The following FILIP1 variants were observed in gnomAD, a reference collection of about 807,000 sequenced individuals.
FILIP1 encodes filamin A interacting protein 1, also known as filamin-A-interacting protein 1.
A neutral mutation model predicts 102.1 loss-of-function variants in FILIP1; 61 were observed. The observed-to-expected ratio is 0.60, with a 90% CI of 0.49 to 0.74. FILIP1 has a LOEUF of 0.74. Ranked by LOEUF, FILIP1 falls within the 30% of genes least tolerant of loss-of-function variation. The pLI is 0.00. For missense variants in FILIP1, 1,314 were observed against 1,441.2 expected (o/e 0.91, Z 1.43); for synonymous variants, 491 against 526.9 (o/e 0.93, Z 0.93).
chr6:75,374,579 A>G (rs2149632086), intron 2 of FILIP1, among the ~76,000 whole-genome samples: 1 of 152,222 alleles, frequency 6.6e-6, no homozygotes, highest in African/African-American at 2.4e-5. Context: ...GGGTTTCACC[A>G]TTGATGGCCA....
intron 2 of FILIP1, among the ~76,000 whole-genome samples, chr6:75,363,473 CT>C (rs1467333451): frequency 2.6e-5 from 4 of 152,152 alleles, no homozygotes; most frequent in African/African-American, 9.7e-5. Context: ...CTTGGCTGTC[CT>C]TTTCAAATCT....
chr6:75,332,021 C>A (rs1774101526), intron 4 of FILIP1, among the ~76,000 whole-genome samples: 1 of 152,136 alleles, frequency 6.6e-6, no homozygotes, highest in South Asian at 2.1e-4. Flanking sequence ...GAAGAGGACC[C>A]ACACCAGAAC....
chr6:75,389,980 A>G (rs1395679817), intron 2 of FILIP1, among the ~76,000 whole-genome samples: 3 of 152,116 alleles, frequency 2.0e-5, no homozygotes, highest in Non-Finnish European at 1.5e-5. Context: ...GCTGCACTTC[A>G]GAATCATCCA....
At position 75,442,738 on chromosome 6, in the gene FILIP1, A is replaced by G. The variant is rs1582515580; in HGVS notation, c.-6-27760T>C. Among the ~76,000 whole-genome samples the G allele has an allele frequency of 1.4e-5, 2 of 147,580 alleles. 1 individual carries two copies. The highest frequency in any genetic ancestry group is 4.6e-4 in the South Asian group (2 of 4,382). ...AGCCTTGGCTCGGCATCAGAGGGAGACCGTGGGGAGAGGGAGAGGGAGAGG... is the reference window on the plus strand; with the variant it reads ...AGCCTTGGCTCGGCATCAGAGGGAGGCCGTGGGGAGAGGGAGAGGGAGAGG... On this transcript the variant is annotated intron_variant, in intron 1 of 5. Coordinates refer to ENST00000237172, the MANE Select transcript of FILIP1 (RefSeq NM_015687.5).
chr6:75,435,666 T>G (rs1305743217), intron 1 of FILIP1, among the ~76,000 whole-genome samples: 1 of 152,244 alleles, frequency 6.6e-6, no homozygotes, highest in Non-Finnish European at 1.5e-5. Context: ...TGAATAACTC[T>G]GCTCTTAAAT....
chr6:75,324,972 C>G (rs867518718), intron 4 of FILIP1, among the ~76,000 whole-genome samples: 9 of 152,202 alleles, frequency 5.9e-5, no homozygotes, highest in Middle Eastern at 6.8e-3. Flanking sequence ...AGACCTGAAA[C>G]CATAAAATCT....
chr6:75,313,611 G>C lies in FILIP1; in HGVS notation c.2221C>G (p.Leu741Val), dbSNP rs1342108493. 1 of 1,607,608 alleles carries C rather than the reference G, an allele frequency of 6.2e-7. No homozygotes were observed. Among genetic ancestry groups the C allele is most frequent in the Admixed American group, 1.7e-5 (1 of 58,312 alleles). The part of the protein sequence containing the change: ...IHELMNKEDQ[L>V]SQLQVDYSVL... ...GAATAATCTACCTGGAGCTGAGAAA[G>C]CTGATCTTCTTTGTTCATTAATTCG... Residue 741 changes from leucine to valine, a missense_variant, in exon 5 of 6, where the codon CTT (leucine) becomes GTT (valine). Coordinates refer to ENST00000237172, the MANE Select transcript of FILIP1 (RefSeq NM_015687.5). This position sits in a 1 kb window ranked among gnomAD's most constrained non-coding sequence, Gnocchi z 4.2.
At chr6:75,325,394 C>T (rs1056485088) in intron 4 of FILIP1, among the ~76,000 whole-genome samples, 1 of 152,168 alleles carries the variant, frequency 6.6e-6, no homozygotes, top group African/African-American at 2.4e-5. Flanking sequence ...TGCACTCCAG[C>T]CTGGGTGACA....
At chr6:75,442,647 G>A (rs1463153692) in intron 1 of FILIP1, among the ~76,000 whole-genome samples, 2 of 152,200 alleles carry the variant, frequency 1.3e-5, no homozygotes, top group African/African-American at 4.8e-5. Flanking sequence ...GCAGGCACTC[G>A]GCAGGCTGAG....
At position 75,327,535 on chromosome 6, in the gene FILIP1, A is replaced by AAT. The variant is rs1287997806; in HGVS notation, c.630-12335_630-12334dup. Among the ~76,000 whole-genome samples, 119 of 147,222 alleles carry AAT rather than the reference A, an allele frequency of 8.1e-4. 1 individual carries two copies. The East Asian group carries it at 0.021, about 26-fold the overall frequency. ...GTATTTTAAGATTTTTTTGTGTGTG[A>AAT]ATATATATATATGAATATATATATA... On this transcript the variant is annotated intron_variant, in intron 4 of 5. Transcript: ENST00000237172.
At position 75,312,757 on chromosome 6, in the gene FILIP1, G is replaced by A. The variant is rs567751339; in HGVS notation, c.3075C>T (p.Pro1025=). The change falls in exon 5 of 6, where the codon CCC becomes CCT. Residue 1025 remains proline, a synonymous_variant. Coordinates refer to ENST00000237172, the MANE Select transcript of FILIP1 (RefSeq NM_015687.5). The part of the protein sequence containing the change: ...SAAPAEIAVS[P]ESQEMPMGRT... Reference sequence around the variant, plus strand: ...GTCCCATGGGCATTTCCTGGGATTCGGGAGAAACTGCAATCTCAGCTGGTG... The same window carrying A: ...GTCCCATGGGCATTTCCTGGGATTCAGGAGAAACTGCAATCTCAGCTGGTG... 23 of 1,614,050 alleles carry A rather than the reference G, an allele frequency of 1.4e-5. No individual in the cohort carries two copies. The highest frequency in any genetic ancestry group is 1.6e-4 in the Middle Eastern group (1 of 6,084).
chr6:75,296,207 T>C (rs1348339901), intron 6 of FILIP1, among the ~76,000 whole-genome samples: 9 of 152,046 alleles, frequency 5.9e-5, no homozygotes, highest in Non-Finnish European at 8.8e-5. Flanking sequence ...TTGACCAAGG[T>C]AAGAACTGAA....
intron 1 of FILIP1, among the ~76,000 whole-genome samples, chr6:75,456,998 T>G (rs1045392423): frequency 2.0e-5 from 3 of 152,234 alleles, no homozygotes; most frequent in African/African-American, 7.2e-5. Context: ...AATTCATACC[T>G]ATGGAAAGCA....
At chr6:75,371,781 T>G (rs984720635) in intron 2 of FILIP1, among the ~76,000 whole-genome samples, 4 of 152,198 alleles carry the variant, frequency 2.6e-5, no homozygotes, top group African/African-American at 9.6e-5. Context: ...AAGAATTAAG[T>G]TGGAACTTTT....
At chr6:75,317,912 T>G (rs1160999675) in intron 4 of FILIP1, among the ~76,000 whole-genome samples, 1 of 152,194 alleles carries the variant, frequency 6.6e-6, no homozygotes, top group African/African-American at 2.4e-5. Context: ...CAATGCCTTC[T>G]GCACAAATAG....
chr6:75,468,806 A>G (rs1405397609), intron 1 of FILIP1, among the ~76,000 whole-genome samples: 1 of 152,128 alleles, frequency 6.6e-6, no homozygotes, highest in Non-Finnish European at 1.5e-5. Flanking sequence ...TATTTCCCAA[A>G]CCAAGAATAA....
chr6:75,483,548 G>A (rs1296012439), intron 1 of FILIP1, among the ~76,000 whole-genome samples: 1 of 152,084 alleles, frequency 6.6e-6, no homozygotes, highest in Non-Finnish European at 1.5e-5. Flanking sequence ...GGAAAGACAG[G>A]AAATAAGAAA....
At position 75,302,481 on chromosome 6, in the gene FILIP1, T is replaced by C. The variant is rs145991465; in HGVS notation, c.3493+6359A>G. On this transcript the variant is annotated intron_variant, in intron 6 of 6. Coordinates refer to the FILIP1 transcript ENST00000393004. The stretch of plus-strand genomic sequence containing the variant: ...GTGGACAGGCCTTTAAACCCCAGGG[T>C]AGATTCTGAAATAATAGTTTATCTT... 2.2e-3 allele frequency among the ~76,000 whole-genome samples: 332 copies of C among 152,226 alleles called. 3 individuals are homozygous for C. The highest frequency in any genetic ancestry group is 7.7e-3 in the African/African-American group (320 of 41,536).
At chr6:75,401,590 AGC>A (rs1776660371) in intron 2 of FILIP1, among the ~76,000 whole-genome samples, 1 of 152,180 alleles carries the variant, frequency 6.6e-6, no homozygotes, top group African/African-American at 2.4e-5. Flanking sequence ...CAGTCTTATT[AGC>A]TACATTTCAA....
Sources: allele counts gnomAD v4.1 joint callset (sites outside exome capture counted in the v4.1 genomes callset), GRCh38; gene constraint gnomAD v4.1.1; non-coding constraint Gnocchi (gnomAD v3.1); transcripts MANE v1.5; gene names NCBI Gene and HGNC (gene_info 2026-07-23, HGNC 2026-07-21).